Variants in LIMS1 observed in about 807,000 individuals in gnomAD.
LIMS1 encodes LIM zinc finger domain containing 1.
A neutral mutation model predicts 44.1 loss-of-function variants in LIMS1; 18 were observed. The ratio of observed to expected loss-of-function variants is 0.41; its 90% CI spans 0.28 to 0.61. The LOEUF is 0.61. Ranked by LOEUF, LIMS1 falls within the 20% of genes least tolerant of loss-of-function variation. The pLI is 0.32. For synonymous variants in LIMS1, 93 were observed against 149.1 expected (o/e 0.62, Z 2.74); for missense variants, 201 against 422.0 (o/e 0.48, Z 4.59).
rs151139628 is a variant in LIMS1, at chr2:108,572,141, G to A, written c.32+37547G>A. 6.1e-3 allele frequency among the ~76,000 whole-genome samples: 922 copies of A among 152,024 alleles called. 13 individuals carry two copies. Among genetic ancestry groups the A allele is most frequent in the African/African-American group, 0.021 (883 of 41,478 alleles). On this transcript the variant is annotated intron_variant, in intron 1 of 9. Transcript: ENST00000544547. ...ATTTTGAAAGAGGATTTGAGGGACT[G>A]GGCTTTTTTTTTTATCATGGAATTT...
intron 1 of LIMS1, among the ~76,000 whole-genome samples, chr2:108,545,825 G>A (rs1407536632): frequency 1.3e-5 from 2 of 152,130 alleles, no homozygotes; most frequent in Admixed American, 6.5e-5. Context: ...ACAAAAACAG[G>A]GACAGGCTGG....
At chr2:108,577,714 A>C (rs1156805774) in intron 1 of LIMS1, among the ~76,000 whole-genome samples, 1 of 152,204 alleles carries the variant, frequency 6.6e-6, no homozygotes, top group East Asian at 1.9e-4. Flanking sequence ...ATTTTTTAAG[A>C]GAGAGAGAAA....
intron 1 of LIMS1, among the ~76,000 whole-genome samples, chr2:108,590,611 A>C (rs1476009650): frequency 6.6e-6 from 1 of 152,242 alleles, no homozygotes; most frequent in East Asian, 1.9e-4. Context: ...AGACGGCACC[A>C]TGGAGGTAGT....
intron 1 of LIMS1, among the ~76,000 whole-genome samples, chr2:108,637,364 A>G (rs988982465): frequency 1.3e-5 from 2 of 152,140 alleles, no homozygotes; most frequent in African/African-American, 2.4e-5. Context: ...TTACCTTATC[A>G]TTGAGGGAAG....
intron 2 of LIMS1, among the ~76,000 whole-genome samples, chr2:108,661,336 C>T (rs918605506): frequency 6.8e-6 from 1 of 146,190 alleles, no homozygotes; most frequent in Non-Finnish European, 1.5e-5. Context: ...TCTTCTAGTT[C>T]TTTTTTTTTT....
chr2:108,642,897 A>G (rs1689802535), intron 1 of LIMS1, among the ~76,000 whole-genome samples: 1 of 152,174 alleles, frequency 6.6e-6, no homozygotes, highest in African/African-American at 2.4e-5. Flanking sequence ...TTTACAGGAC[A>G]CTACTGTGTG....
At chr2:108,668,558 C>T (rs1447128740) in intron 2 of LIMS1, among the ~76,000 whole-genome samples, 1 of 152,148 alleles carries the variant, frequency 6.6e-6, no homozygotes, top group Non-Finnish European at 1.5e-5. Context: ...TTTTTTATGG[C>T]CAAAGAGTAC....
chr2:108,679,543 G>A (rs944942255), intron 8 of LIMS1, among the ~76,000 whole-genome samples: 3 of 152,004 alleles, frequency 2.0e-5, no homozygotes, highest in Admixed American at 1.3e-4. Flanking sequence ...TTATATCAGG[G>A]ACTTGAGCGT....
At chr2:108,597,693 CTTT>C (rs10693112) in intron 1 of LIMS1, among the ~76,000 whole-genome samples, 17 of 108,500 alleles carry the variant, frequency 1.6e-4, no homozygotes, top group Non-Finnish European at 1.1e-4. Flanking sequence ...AGCAAAAATG[CTTT>C]TTTTTTTTTT....
Position 108,659,206 on chromosome 2 carries a change from A to G in LIMS1, c.33-399A>G, listed in dbSNP as rs1227735101. 188 of 873,748 alleles carry G rather than the reference A, an allele frequency of 2.2e-4. No individual in the cohort carries two copies. The South Asian group carries it at 4.3e-3, about 20-fold the overall frequency. 54.1% of individuals were successfully genotyped at this position (873,748 alleles called of 1,614,324 possible). On this transcript the variant is annotated intron_variant, in intron 1 of 9. Transcript: ENST00000544547. ...TTTAGATTCTGTTCTCAGAAGGGAA[A>G]GAAACTGGCCTTGAGATGTTGACTT...
At chr2:108,614,268 C>G (rs901481353) in intron 1 of LIMS1, among the ~76,000 whole-genome samples, 4 of 152,230 alleles carry the variant, frequency 2.6e-5, no homozygotes, top group African/African-American at 7.2e-5. Flanking sequence ...CTCCTCCACG[C>G]GAACTGCCCT....
At chr2:108,656,258 G>A (rs1690825851) in intron 1 of LIMS1, among the ~76,000 whole-genome samples, 1 of 151,122 alleles carries the variant, frequency 6.6e-6, no homozygotes, top group Non-Finnish European at 1.5e-5. Context: ...TGTGGAAGTA[G>A]ATCAGCTTCA....
chr2:108,646,544 G>A (rs753546695), intron 1 of LIMS1, among the ~76,000 whole-genome samples: 11 of 152,162 alleles, frequency 7.2e-5, no homozygotes, highest in Admixed American at 1.3e-4. Flanking sequence ...ATCTAAAATC[G>A]ACACCCTAAC....
chr2:108,676,866 A>G (rs1692600226), intron 7 of LIMS1, 168 bp downstream of exon 7: 3 of 713,416 alleles, frequency 4.2e-6, no homozygotes, highest in South Asian at 2.5e-5. Flanking sequence ...TATAAAATAT[A>G]CAAAGAATAC....
intron 1 of LIMS1, among the ~76,000 whole-genome samples, chr2:108,560,173 G>T (rs1401727758): frequency 6.6e-6 from 1 of 152,172 alleles, no homozygotes. Flanking sequence ...CTCTCAACTG[G>T]ACTGTTTTAT....
At chr2:108,576,214 G>C (rs1325525674) in intron 1 of LIMS1, among the ~76,000 whole-genome samples, 4 of 152,198 alleles carry the variant, frequency 2.6e-5, no homozygotes. Context: ...AAAAGGAATA[G>C]AATAGAACTT....
chr2:108,592,504 TA>T (rs1197248424), intron 1 of LIMS1, among the ~76,000 whole-genome samples: 1 of 152,136 alleles, frequency 6.6e-6, no homozygotes, highest in African/African-American at 2.4e-5. Context: ...GAGATTCCCT[TA>T]TAGGGCTTTA....
At chr2:108,659,849 T>C in intron 2 of LIMS1, 85 bp downstream of exon 2, 3 of 1,610,336 alleles carry the variant, frequency 1.9e-6, no homozygotes, top group East Asian at 2.2e-5. Flanking sequence ...TCCTCCTTCA[T>C]GTTCAGTTTC....
At chr2:108,625,133 A>T (rs936977561) in intron 1 of LIMS1, among the ~76,000 whole-genome samples, 8 of 152,236 alleles carry the variant, frequency 5.3e-5, no homozygotes, top group Admixed American at 3.3e-4. Context: ...CCTCAGGCCA[A>T]ATCTGGCCTG....
Sources: gnomAD v4.1 joint callset for allele counts (sites outside exome capture counted in the v4.1 genomes callset) on GRCh38, gnomAD v4.1.1 for gene constraint, MANE v1.5 for transcripts, NCBI Gene and HGNC (gene_info 2026-07-23, HGNC 2026-07-21) for gene names.